PPFIBP2: variants seen among roughly 807,000 people sequenced by gnomAD.
PPFIBP2 encodes PPFIB scaffold protein 2, also known as liprin-beta-2.
PPFIBP2 carries 118 observed loss-of-function variants against 118.3 expected under a neutral mutation model. That is an observed-to-expected ratio of 1.00 (90% confidence interval 0.86 to 1.16). The LOEUF (loss-of-function observed/expected upper bound fraction) is 1.16, where lower values mean the gene tolerates loss of function less well. Among genes scored for constraint, PPFIBP2 ranks in the 50% most tolerant of loss-of-function variants. The probability of loss-of-function intolerance (pLI) is 0.00; values close to 1 mark genes in which losing one functional copy is unlikely to be tolerated. For synonymous variants in PPFIBP2, 414 were observed against 397.4 expected (o/e 1.04, Z -0.50); for missense variants, 1,195 against 1,073.1 (o/e 1.11, Z -1.59).
downstream of PPFIBP2, chr11:7,653,912 G>C (rs922049375): frequency 4.1e-6 from 3 of 734,456 alleles, no homozygotes; most frequent in African/African-American, 5.7e-5. Context: ...GGTAGAGCAA[G>C]GCGGGACCCC....
chr11:7,559,607 ATG>A (rs1441608185), intron 2 of PPFIBP2, among the ~76,000 whole-genome samples: 4 of 152,076 alleles, frequency 2.6e-5, no homozygotes, highest in Non-Finnish European at 5.9e-5. Flanking sequence ...GAGGGTGTAT[ATG>A]TGTGGTATTA....
At chr11:7,614,205 T>C (rs1750480332) in intron 6 of PPFIBP2, among the ~76,000 whole-genome samples, 1 of 152,202 alleles carries the variant, frequency 6.6e-6, no homozygotes, top group African/African-American at 2.4e-5. Context: ...AATCAAGTGT[T>C]CAAAAGGGTA....
intron 15 of PPFIBP2, among the ~76,000 whole-genome samples, chr11:7,640,499 C>T (rs117904413): frequency 0.031 from 4,787 of 152,308 alleles, 109 homozygotes; most frequent in Middle Eastern, 0.092. Context: ...TCAATGGCCC[C>T]GGAAGGGAAC....
downstream of PPFIBP2, among the ~76,000 whole-genome samples, chr11:7,655,662 C>T (rs567618779): frequency 1.3e-5 from 2 of 152,200 alleles, no homozygotes; most frequent in East Asian, 3.9e-4. Flanking sequence ...CAGAAAGCAG[C>T]CCAGGGGCCT....
At chr11:7,617,106 CTACAGTCGGT>C (rs965151521) in intron 6 of PPFIBP2, 1 of 985,116 alleles carries the variant, frequency 1.0e-6, no homozygotes, top group African/African-American at 1.7e-5. Context: ...CTTTTCCTTC[CTACAGTCGGT>C]TCTGAATGTG....
At chr11:7,550,661 C>T (rs116541467) in intron 2 of PPFIBP2, among the ~76,000 whole-genome samples, 7 of 152,152 alleles carry the variant, frequency 4.6e-5, no homozygotes, top group Non-Finnish European at 8.8e-5. Flanking sequence ...TACTGAGTGT[C>T]AACTTGATTG....
At chr11:7,607,465 AC>A (rs1280682268) in intron 5 of PPFIBP2, among the ~76,000 whole-genome samples, 2 of 150,254 alleles carry the variant, frequency 1.3e-5, no homozygotes, top group Non-Finnish European at 3.0e-5. Flanking sequence ...CAAATGATCC[AC>A]CCACCTCAGC....
chr11:7,598,870 TTTTG>T (rs750446396), intron 5 of PPFIBP2, among the ~76,000 whole-genome samples: 4 of 128,348 alleles, frequency 3.1e-5, no homozygotes, highest in East Asian at 2.6e-4. Flanking sequence ...TGTTTGTTAG[TTTTG>T]TTTGAGTGCC....
At chr11:7,547,884 C>T (rs762938756) in intron 1 of PPFIBP2, among the ~76,000 whole-genome samples, 5 of 152,194 alleles carry the variant, frequency 3.3e-5, no homozygotes, top group Non-Finnish European at 4.4e-5. Flanking sequence ...GCTTATCTTC[C>T]TTCCCCATGC....
At chr11:7,645,976 T>C (rs1852994443) in intron 17 of PPFIBP2, among the ~76,000 whole-genome samples, 1 of 152,158 alleles carries the variant, frequency 6.6e-6, no homozygotes, top group South Asian at 2.1e-4. Flanking sequence ...GCATTGAAAT[T>C]TGAGAGAAAT....
chr11:7,528,717 G>C (rs1850431083), intron 1 of PPFIBP2, among the ~76,000 whole-genome samples: 1 of 152,234 alleles, frequency 6.6e-6, no homozygotes, highest in South Asian at 2.1e-4. Context: ...CCATGCAGGG[G>C]TGTAGAGTGG....
intron 3 of PPFIBP2, among the ~76,000 whole-genome samples, chr11:7,566,845 A>C (rs931279630): frequency 2.0e-5 from 3 of 152,190 alleles, no homozygotes; most frequent in African/African-American, 7.2e-5. Context: ...GTTTTAAAGG[A>C]TAGGTTAAAA....
chr11:7,520,741 C>T (rs1849685168), intron 1 of PPFIBP2, among the ~76,000 whole-genome samples: 1 of 152,172 alleles, frequency 6.6e-6, no homozygotes, highest in South Asian at 2.1e-4. Flanking sequence ...ATTCCTGAGT[C>T]ACTATTTTCC....
intron 10 of PPFIBP2, 109 bp downstream of exon 10, chr11:7,629,643 C>T (rs1759489789): frequency 6.6e-6 from 7 of 1,060,530 alleles, no homozygotes; most frequent in Non-Finnish European, 1.0e-5. Context: ...TCAGAGAAGA[C>T]TCCCTACTGG....
At chr11:7,626,737 A>G (rs1171435722) in intron 8 of PPFIBP2, among the ~76,000 whole-genome samples, 3 of 152,242 alleles carry the variant, frequency 2.0e-5, no homozygotes, top group Non-Finnish European at 4.4e-5. Context: ...GTGATCATAC[A>G]CCTTTCAACT....
chr11:7,637,426 C>G (rs550753563), intron 14 of PPFIBP2, among the ~76,000 whole-genome samples: 4 of 152,318 alleles, frequency 2.6e-5, no homozygotes, highest in Non-Finnish European at 4.4e-5. Flanking sequence ...TATGTTATTT[C>G]CTGGCAAACC....
intron 1 of PPFIBP2, among the ~76,000 whole-genome samples, chr11:7,531,921 C>T (rs1256272636): frequency 1.3e-5 from 2 of 152,070 alleles, no homozygotes; most frequent in African/African-American, 4.8e-5. Context: ...CAGCATCCTC[C>T]ACCTCCTGGG....
chr11:7,639,858 C>G lies in PPFIBP2; in HGVS notation c.1363C>G (p.Leu455Val). ...ICQPDATGSS[L>V]LRLRDTESGW... The stretch of plus-strand genomic sequence containing the variant: ...CCAGCCTGACGCCACGGGGAGCAGC[C>G]TGCTGAGGCTGAGTGAGTGTCCAGC... Residue 455 changes from leucine (L) to valine (V), a missense_variant, in exon 15 of 24, where the codon CTG (leucine) becomes GTG (valine). Leu to Val is a conservative substitution (Grantham distance 32, BLOSUM62 1). Coordinates refer to ENST00000299492, the MANE Select transcript of PPFIBP2 (RefSeq NM_003621.5). The G allele has an allele frequency of 6.2e-7, 1 of 1,614,040 alleles. No homozygotes were observed. The highest frequency in any genetic ancestry group is 8.5e-7 in the Non-Finnish European group (1 of 1,179,970).
chr11:7,571,988 T>A (rs1399304357), intron 3 of PPFIBP2: 1 of 152,222 alleles, frequency 6.6e-6, no homozygotes, highest in Non-Finnish European at 1.5e-5. Flanking sequence ...TGAAACTGCT[T>A]AACTGCACCT....
Sources: allele counts gnomAD v4.1 joint callset (sites outside exome capture counted in the v4.1 genomes callset), GRCh38; gene constraint gnomAD v4.1.1; transcripts MANE v1.5; gene names NCBI Gene and HGNC (gene_info 2026-07-23, HGNC 2026-07-21).